FCHSD2: variants seen among roughly 807,000 people sequenced by gnomAD.
FCHSD2 encodes the protein FCH and double SH3 domains 2, also known as F-BAR and double SH3 domains protein 2.
FCHSD2 carries 38 observed loss-of-function variants against 108.1 expected under a neutral mutation model. That is an observed-to-expected ratio of 0.35 (90% confidence interval 0.27 to 0.46). The LOEUF (loss-of-function observed/expected upper bound fraction) is 0.46. Among genes scored for constraint, FCHSD2 ranks in the 20% least tolerant of loss-of-function variants. The probability of loss-of-function intolerance (pLI) is 1.00; values close to 1 mark genes in which losing one functional copy is unlikely to be tolerated. For synonymous variants in FCHSD2, 279 were observed against 314.7 expected (o/e 0.89, Z 1.20); for missense variants, 751 against 897.8 (o/e 0.84, Z 2.09).
chr11:72,912,436 T>C (rs1217270441), intron 9 of FCHSD2, among the ~76,000 whole-genome samples: 1 of 152,222 alleles, frequency 6.6e-6, no homozygotes, highest in Non-Finnish European at 1.5e-5. Context: ...GAGTGATTTG[T>C]GTATGTTGAA....
At chr11:73,120,296 G>A (rs1860700877) in intron 2 of FCHSD2, among the ~76,000 whole-genome samples, 1 of 152,142 alleles carries the variant, frequency 6.6e-6, no homozygotes, top group Non-Finnish European at 1.5e-5. Context: ...GTAGCATATG[G>A]TCTTTATGTA....
rs115503432 is a variant in FCHSD2 at position 73,090,519 on chromosome 11, G to A, written c.120-6779C>T. ...GGATTACAGGCGTGAGCCACCGCGC[G>A]CGGCCTACAATACTTCTTAATTACA... On this transcript the variant is annotated intron_variant, in intron 2 of 19. Coordinates refer to ENST00000409418, the MANE Select transcript of FCHSD2 (RefSeq NM_014824.3). Among the ~76,000 whole-genome samples the A allele has an allele frequency of 3.6e-3, 549 of 152,086 alleles. 2 individuals carry two copies. The highest frequency in any genetic ancestry group is 0.013 in the African/African-American group (521 of 41,504).
At chr11:72,982,847 T>A (rs964783776) in intron 8 of FCHSD2, among the ~76,000 whole-genome samples, 1 of 152,156 alleles carries the variant, frequency 6.6e-6, no homozygotes, top group Non-Finnish European at 1.5e-5. Context: ...TGAAATTTTT[T>A]AAAAATCTAA....
At chr11:73,051,255 C>T (rs897720336) in intron 3 of FCHSD2, among the ~76,000 whole-genome samples, 5 of 151,930 alleles carry the variant, frequency 3.3e-5, no homozygotes, top group African/African-American at 9.7e-5. Flanking sequence ...ATTGAGGCTA[C>T]GGTGAGCCAA....
chr11:73,010,683 G>C (rs893711054), intron 4 of FCHSD2, among the ~76,000 whole-genome samples: 5 of 152,226 alleles, frequency 3.3e-5, no homozygotes, highest in African/African-American at 1.2e-4. Flanking sequence ...AATTTATTCA[G>C]TGGTTTCAGG....
intron 14 of FCHSD2, among the ~76,000 whole-genome samples, chr11:72,847,965 T>G (rs1195393799): frequency 6.6e-6 from 1 of 152,230 alleles, no homozygotes; most frequent in Non-Finnish European, 1.5e-5. Flanking sequence ...ATGTTGGGAT[T>G]ACAGGCGTGA....
intron 5 of FCHSD2, among the ~76,000 whole-genome samples, chr11:72,993,333 T>C (rs1857455124): frequency 6.6e-6 from 1 of 152,180 alleles, no homozygotes; most frequent in South Asian, 2.1e-4. Context: ...AGTTCAACCA[T>C]TGTGGAAGTC....
Position 72,867,849 on chromosome 11 carries a change from AG to A in FCHSD2, c.1308+15del. The A allele has an allele frequency of 6.2e-7, 1 of 1,605,824 alleles. No homozygotes were observed. The highest frequency in any genetic ancestry group is 1.7e-4 in the Middle Eastern group (1 of 6,042). On this transcript the variant is annotated intron_variant, in intron 13 of 19. Transcript: ENST00000409418. ...AGTGAAAATCAACTTGTCATATCCA[AG>A]AAAAGAAATCGTACCGAGTGTAAAG... is the stretch of plus-strand genomic sequence containing the variant.
At chr11:73,026,639 G>C (rs1858236168) in intron 3 of FCHSD2, among the ~76,000 whole-genome samples, 1 of 152,116 alleles carries the variant, frequency 6.6e-6, no homozygotes, top group Non-Finnish European at 1.5e-5. Flanking sequence ...AAGATCAGAA[G>C]GACAAATGAG....
intron 2 of FCHSD2, among the ~76,000 whole-genome samples, chr11:73,101,950 A>G (rs1356452102): frequency 6.6e-6 from 1 of 152,196 alleles, no homozygotes. Context: ...AAGATTATGA[A>G]GGCTAGCAAG....
intron 2 of FCHSD2, among the ~76,000 whole-genome samples, chr11:73,128,937 T>C (rs562397118): frequency 6.6e-6 from 1 of 152,298 alleles, no homozygotes; most frequent in Non-Finnish European, 1.5e-5. Context: ...AGTGGTGTGA[T>C]CTCAGCTCAC....
intron 2 of FCHSD2, among the ~76,000 whole-genome samples, chr11:73,093,493 A>C (rs573227726): frequency 6.6e-6 from 1 of 152,290 alleles, no homozygotes; most frequent in South Asian, 2.1e-4. Flanking sequence ...CAGAATTGAG[A>C]GCTGTCTTAG....
At chr11:72,958,545 C>A (rs1255146051) in intron 8 of FCHSD2, among the ~76,000 whole-genome samples, 2 of 152,072 alleles carry the variant, frequency 1.3e-5, no homozygotes, top group African/African-American at 4.8e-5. Context: ...AAAACAACAA[C>A]AAAAAACAGT....
intron 3 of FCHSD2, among the ~76,000 whole-genome samples, chr11:73,030,761 CCA>C (rs1438078770): frequency 4.6e-5 from 7 of 152,066 alleles, no homozygotes; most frequent in South Asian, 2.1e-4. Flanking sequence ...GAAATGGTTA[CCA>C]CAGTCAAGCA....
intron 8 of FCHSD2, among the ~76,000 whole-genome samples, chr11:72,937,368 T>C (rs1326946732): frequency 6.6e-6 from 1 of 152,244 alleles, no homozygotes; most frequent in Non-Finnish European, 1.5e-5. Context: ...GTGTGCATTT[T>C]TGACATCAAA....
At chr11:73,031,369 G>A (rs912677086) in intron 3 of FCHSD2, among the ~76,000 whole-genome samples, 3 of 151,800 alleles carry the variant, frequency 2.0e-5, no homozygotes, top group African/African-American at 4.8e-5. Context: ...CCAGCTACTC[G>A]GGAGGCTGAG....
intron 3 of FCHSD2, among the ~76,000 whole-genome samples, chr11:73,071,744 G>A (rs550982044): frequency 1.3e-5 from 2 of 152,036 alleles, no homozygotes; most frequent in Admixed American, 6.6e-5. Flanking sequence ...TTATTTGAAG[G>A]GAGGGAAATG....
chr11:72,867,726 A>T (rs1018239332), intron 13 of FCHSD2, 139 bp downstream of exon 13: 1 of 672,570 alleles, frequency 1.5e-6, no homozygotes, highest in Non-Finnish European at 2.5e-6. Flanking sequence ...TCAATTAGTG[A>T]TAGGCTGAAG....
chr11:73,035,157 T>G (rs1038489561), intron 3 of FCHSD2, among the ~76,000 whole-genome samples: 5 of 111,052 alleles, frequency 4.5e-5, no homozygotes, highest in Admixed American at 3.6e-4. Context: ...TTTTTATGTA[T>G]GTATGTATGT....
Sources: gnomAD v4.1 joint callset for allele counts (sites outside exome capture counted in the v4.1 genomes callset) on GRCh38, gnomAD v4.1.1 for gene constraint, MANE v1.5 for transcripts, NCBI Gene and HGNC (gene_info 2026-07-23, HGNC 2026-07-21) for gene names.